CACNB2: variants seen among roughly 807,000 people sequenced by gnomAD.
The protein encoded by CACNB2 is voltage-dependent L-type calcium channel subunit beta-2.
In CACNB2, 42 loss-of-function variants were observed where a neutral mutation model predicts 73.3. That is an observed-to-expected ratio of 0.57 (90% confidence interval 0.45 to 0.74). The LOEUF is 0.74. Among genes scored for constraint, CACNB2 ranks in the 30% least tolerant of loss-of-function variants. The pLI is 0.00. For synonymous variants in CACNB2, 348 were observed against 310.3 expected (o/e 1.12, Z -1.28); for missense variants, 940 against 853.0 (o/e 1.10, Z -1.27).
intron 3 of CACNB2, among the ~76,000 whole-genome samples, chr10:18,410,573 A>G (rs1420678944): frequency 1.2e-4 from 18 of 152,230 alleles, no homozygotes; most frequent in Admixed American, 1.2e-3. Context: ...GAGGTAGGAG[A>G]GAAATATACA....
chr10:18,385,823 A>G (rs984746504), intron 2 of CACNB2, among the ~76,000 whole-genome samples: 2 of 152,112 alleles, frequency 1.3e-5, no homozygotes, highest in African/African-American at 4.8e-5. Flanking sequence ...TTATTTTTTT[A>G]TATGTCCAAA....
At chr10:18,144,427 C>G (rs1009311587) in intron 1 of CACNB2, among the ~76,000 whole-genome samples, 2 of 152,220 alleles carry the variant, frequency 1.3e-5, no homozygotes, top group Admixed American at 6.5e-5. Context: ...AATCTAACTG[C>G]AAATTCTTGA....
intron 2 of CACNB2, among the ~76,000 whole-genome samples, chr10:18,286,817 T>G (rs2038824775): frequency 6.6e-6 from 1 of 152,160 alleles, no homozygotes; most frequent in Non-Finnish European, 1.5e-5. Context: ...TTGTTACCAG[T>G]ATTCATATTT....
chr10:18,242,828 C>CA (rs10556493), intron 2 of CACNB2, among the ~76,000 whole-genome samples: 2,524 of 143,558 alleles, frequency 0.018, 35 homozygotes, highest in African/African-American at 0.04. Flanking sequence ...ACTAAAAATG[C>CA]AAAAAAAAAA....
intron 3 of CACNB2, among the ~76,000 whole-genome samples, chr10:18,487,649 A>G (rs1488322162): frequency 6.6e-6 from 1 of 152,082 alleles, no homozygotes; most frequent in Non-Finnish European, 1.5e-5. Flanking sequence ...AGCCTCGCCA[A>G]CATAGTGAAA....
chr10:18,536,266 TTTTTTTTGGG>T (rs2053579911), intron 12 of CACNB2, 70 bp downstream of exon 12: 6 of 446,218 alleles, frequency 1.3e-5, no homozygotes, highest in Non-Finnish European at 2.2e-5. Context: ...TTTTTTTTTT[TTTTTTTTGGG>T]GGACAAGGTC....
At chr10:18,524,298 T>G (rs2052229018) in intron 9 of CACNB2, among the ~76,000 whole-genome samples, 1 of 152,094 alleles carries the variant, frequency 6.6e-6, no homozygotes, top group African/African-American at 2.4e-5. Context: ...GAATGCATAC[T>G]GAATTGCTAC....
chr10:18,327,213 A>C (rs2040620151), intron 2 of CACNB2, among the ~76,000 whole-genome samples: 1 of 152,330 alleles, frequency 6.6e-6, no homozygotes, highest in South Asian at 2.1e-4. Context: ...TTGAGGGTCC[A>C]AGAAAAGTGA....
At chr10:18,381,562 C>T (rs1441861808) in intron 2 of CACNB2, among the ~76,000 whole-genome samples, 1 of 151,944 alleles carries the variant, frequency 6.6e-6, no homozygotes, top group South Asian at 2.1e-4. Flanking sequence ...ATGGCGTGCA[C>T]CTGTAGTCCC....
At chr10:18,246,892 A>G (rs192850783) in intron 2 of CACNB2, among the ~76,000 whole-genome samples, 84 of 152,326 alleles carry the variant, frequency 5.5e-4, no homozygotes, top group Non-Finnish European at 8.1e-4. Context: ...AATTACAGGC[A>G]TGAGCCACCA....
At chr10:18,416,111 T>C (rs1033782472) in intron 3 of CACNB2, among the ~76,000 whole-genome samples, 1 of 152,122 alleles carries the variant, frequency 6.6e-6, no homozygotes, top group Non-Finnish European at 1.5e-5. Context: ...TCTTACTGTA[T>C]GTTTGTACCC....
chr10:18,233,974 A>C (rs747047985), intron 2 of CACNB2, among the ~76,000 whole-genome samples: 4 of 152,126 alleles, frequency 2.6e-5, no homozygotes, highest in Admixed American at 6.5e-5. Context: ...TACTGTTGCA[A>C]ACCTAAGACT....
chr10:18,192,884 A>C (rs543035560), intron 2 of CACNB2, among the ~76,000 whole-genome samples: 6 of 152,296 alleles, frequency 3.9e-5, no homozygotes, highest in Admixed American at 3.9e-4. Context: ...CAAATTATCC[A>C]TTCATCCACT....
intron 2 of CACNB2, among the ~76,000 whole-genome samples, chr10:18,232,676 T>A (rs968854921): frequency 1.3e-5 from 2 of 152,254 alleles, no homozygotes; most frequent in Non-Finnish European, 2.9e-5. Context: ...AAATTTGCTA[T>A]CATAAAAGAT....
intron 2 of CACNB2, among the ~76,000 whole-genome samples, chr10:18,212,233 A>G (rs1332363405): frequency 6.6e-6 from 1 of 152,172 alleles, no homozygotes; most frequent in Admixed American, 6.6e-5. Flanking sequence ...TTACATCTCA[A>G]CCAGCAGCAT....
intron 2 of CACNB2, among the ~76,000 whole-genome samples, chr10:18,340,297 C>T (rs564804846): frequency 6.6e-6 from 1 of 152,052 alleles, no homozygotes; most frequent in Non-Finnish European, 1.5e-5. Flanking sequence ...CCAAGTGATA[C>T]TCATTTGACT....
At chr10:18,195,948 G>T (rs2034605304) in intron 2 of CACNB2, among the ~76,000 whole-genome samples, 1 of 152,152 alleles carries the variant, frequency 6.6e-6, no homozygotes, top group African/African-American at 2.4e-5. Flanking sequence ...CTGGATCTCT[G>T]TGATTCCTTT....
intron 2 of CACNB2, among the ~76,000 whole-genome samples, chr10:18,281,322 C>A (rs894071992): frequency 7.2e-5 from 11 of 152,282 alleles, no homozygotes; most frequent in African/African-American, 2.4e-4. Flanking sequence ...TTTTGTTAAT[C>A]AGCACATACT....
At chr10:18,449,302 G>A (rs374347337) in intron 3 of CACNB2, among the ~76,000 whole-genome samples, 2 of 152,234 alleles carry the variant, frequency 1.3e-5, no homozygotes, top group African/African-American at 4.8e-5. Context: ...GGAGAATGGT[G>A]TGAACCTGGG....
Sources: allele counts gnomAD v4.1 joint callset (sites outside exome capture counted in the v4.1 genomes callset), GRCh38; gene constraint gnomAD v4.1.1; transcripts MANE v1.5; gene names NCBI Gene and HGNC (gene_info 2026-07-23, HGNC 2026-07-21).